Variants in SACS observed in about 807,000 individuals in gnomAD.
SACS encodes sacsin molecular chaperone.
Under a neutral mutation model 348.0 loss-of-function variants are expected in SACS, and 197 were observed. That is an observed-to-expected ratio of 0.57 (90% CI 0.50 to 0.64). The LOEUF (loss-of-function observed/expected upper bound fraction) is 0.64, where lower values mean the gene tolerates loss of function less well. Ranked by LOEUF, SACS falls within the 30% of genes least tolerant of loss-of-function variation. The probability of loss-of-function intolerance (pLI) is 0.00; values close to 1 mark genes in which losing one functional copy is unlikely to be tolerated. For synonymous variants in SACS, 1,985 were observed against 1,910.6 expected, an observed-to-expected ratio of 1.04 and a Z score of -1.02; for missense variants, 4,999 against 5,360.8, an observed-to-expected ratio of 0.93 and a Z score of 2.11.
intron 9 of SACS, among the ~76,000 whole-genome samples, chr13:23,344,756 A>T (rs996215746): frequency 1.3e-5 from 2 of 152,230 alleles, no homozygotes; most frequent in African/African-American, 4.8e-5. Context: ...AATTATTCCA[A>T]GAGGCAGAAA....
At position 23,335,727 on chromosome 13, in the gene SACS, G is replaced by C. The variant is rs1380763803; in HGVS notation, c.8149C>G (p.Pro2717Ala). ...MAKVSEISSV[P>A]ASDRMVQNLL... ...TTCTGGACCATTCTGTCTGATGCTG[G>C]AACAGACGAAATTTCCGAAACTTTT... Residue 2717 changes from proline to alanine, a missense_variant, in exon 10 of 10, where the codon CCA becomes GCA. Pro to Ala is a conservative substitution (Grantham distance 27). This residue lies in a region of SACS where 3,156 missense variants were observed against 3,380.1 expected (regional missense o/e 0.93). Coordinates refer to ENST00000382292, the MANE Select transcript of SACS (RefSeq NM_014363.6). The surrounding 1 kb of genome is among the most constrained non-coding windows in gnomAD (Gnocchi z 4.7). 6.2e-7 allele frequency: 1 copy of C among 1,614,016 alleles called. No individual in the cohort carries two copies. Among genetic ancestry groups the C allele is most frequent in the Admixed American group, 1.7e-5 (1 of 60,016 alleles).
chr13:23,338,642 C>T lies in SACS; in HGVS notation c.5234G>A (p.Ser1745Asn), dbSNP rs1315010036. The change falls in exon 10 of 10, where the codon AGT becomes AAT. Residue 1745 changes from serine to asparagine, a missense_variant. By Grantham distance (46) the Ser-to-Asn change is conservative. Transcript: ENST00000382292. Reference sequence around the variant, plus strand: ...TTCATCACTGGGAAGCTTTTTATTACTGCTGCTGCAAGTCTTCATGAGCTT... The same window carrying T: ...TTCATCACTGGGAAGCTTTTTATTATTGCTGCTGCAAGTCTTCATGAGCTT... ...AAKLMKTCSS[S>N]NKKLPSDEPK... 5.6e-6 allele frequency: 9 copies of T among 1,614,168 alleles called. No individual in the cohort carries two copies. The highest frequency in any genetic ancestry group is 7.6e-6 in the Non-Finnish European group (9 of 1,180,014).
At position 23,336,170 on chromosome 13, in the gene SACS, T is replaced by C; in HGVS notation, c.7706A>G (p.Gln2569Arg). The change falls in exon 10 of 10, where the codon CAG (glutamine) becomes CGG (arginine). Residue 2569 changes from glutamine (Q) to arginine (R), a missense_variant. Gln to Arg is a conservative substitution (Grantham distance 43). Transcript: ENST00000382292. Reference protein sequence around the residue: ...TEICFVFDPRQHPVDRIFDDK... With the variant: ...TEICFVFDPRRHPVDRIFDDK... ...ATCAAATATTCTATCAACTGGATGC[T>C]GTCTAGGATCAAACACAAAACAGAT... 6.2e-7 allele frequency: 1 copy of C among 1,613,932 alleles called. No individual in the cohort carries two copies. Among genetic ancestry groups the C allele is most frequent in the Non-Finnish European group, 8.5e-7 (1 of 1,179,848 alleles).
chr13:23,421,885 G>A (rs1167504515), intron 1 of SACS, among the ~76,000 whole-genome samples: 1 of 152,010 alleles, frequency 6.6e-6, no homozygotes, highest in Non-Finnish European at 1.5e-5. Flanking sequence ...ACATCCACTT[G>A]AGGCCTGAAG....
chr13:23,362,447 A>G (rs921683536), intron 6 of SACS, among the ~76,000 whole-genome samples: 7 of 152,240 alleles, frequency 4.6e-5, no homozygotes, highest in African/African-American at 1.2e-4. Context: ...AAGCCATGAT[A>G]CAAGATGACT....
In SACS at chr13:23,336,529, G is replaced by T. The variant is rs531087357; in HGVS notation, c.7347C>A (p.Gly2449=). The part of the protein sequence containing the change: ...KKQEFCEKNY[G]KILLPDTNLM... ...GATTAGTATCTGGCAATAATATCTT[G>T]CCATAATTTTTCTCACAAAATTCTT... Residue 2449 remains glycine (G), a synonymous_variant, in exon 10 of 10, where the codon GGC becomes GGA. Transcript: ENST00000382292. 16 of 1,613,842 alleles carry T rather than the reference G, an allele frequency of 9.9e-6. No homozygotes were observed. In the South Asian group the frequency reaches 1.5e-4, roughly 16 times the overall value.
At chr13:23,400,700 G>A (rs538478468) in intron 2 of SACS, among the ~76,000 whole-genome samples, 8 of 152,316 alleles carry the variant, frequency 5.3e-5, no homozygotes, top group Admixed American at 2.0e-4. Flanking sequence ...GATTACAGGC[G>A]TGAGCCACCG....
chr13:23,406,250 A>T (rs1873202200), intron 2 of SACS, among the ~76,000 whole-genome samples: 1 of 152,144 alleles, frequency 6.6e-6, no homozygotes, highest in Non-Finnish European at 1.5e-5. Flanking sequence ...GAAGCTGGAA[A>T]CCATCATTCT....
rs140971632 is a variant in SACS at position 23,331,481 on chromosome 13, A to G, written c.12395T>C (p.Ile4132Thr). ...AMLGCNDIYR[I>T]GEKLDSLGVK... ...TCCTAAACTGTCAAGTTTCTCACCA[A>G]TCCTGTAAATATCATTGCATCCTAG... Residue 4132 changes from isoleucine to threonine, a missense_variant, in exon 10 of 10, where the codon ATT (isoleucine) becomes ACT (threonine). This residue lies in a region of SACS where 831 missense variants were observed against 941.8 expected (regional missense o/e 0.88). Transcript: ENST00000382292. 3.1e-6 allele frequency: 5 copies of G among 1,614,070 alleles called. No homozygotes were observed. The South Asian group carries it at 3.3e-5, about 11-fold the overall frequency.
chr13:23,329,493 A>G lies in SACS; in HGVS notation c.*643T>C, dbSNP rs757539200. The G allele has an allele frequency of 4.0e-6, 3 of 748,968 alleles. No homozygotes were observed. Among genetic ancestry groups the G allele is most frequent in the East Asian group, 2.5e-5 (1 of 40,686 alleles). The allele number at this position is 748,968 out of a possible 1,614,324, so 46.4% of individuals were successfully genotyped here. A position where few individuals can be genotyped will look rare whatever the true frequency, so the allele number is the denominator to read the frequency against. On this transcript the variant is annotated 3_prime_UTR_variant, in exon 10 of 10. Coordinates refer to ENST00000382292, the MANE Select transcript of SACS (RefSeq NM_014363.6). The stretch of plus-strand genomic sequence containing the variant: ...TTCATCAAACAGGAAGCCTGTAAAC[A>G]TAAGATGTTAAAAAAAAATTTAAAT...
At chr13:23,346,239 G>A (rs986329421) in intron 9 of SACS, among the ~76,000 whole-genome samples, 8 of 152,144 alleles carry the variant, frequency 5.3e-5, no homozygotes, top group Non-Finnish European at 7.4e-5. Context: ...TCTGCCGCCC[G>A]GGTTCAAGCA....
Position 23,410,490 on chromosome 13 carries a change from CA to C in SACS, c.20+729del, listed in dbSNP as rs146617969. ...TGTTTTGCTTTGGAAAGCCAAATATCAAGACGTTTTATTTGTTGATATCTTT... is the reference window on the plus strand; with the variant it reads ...TGTTTTGCTTTGGAAAGCCAAATATCAGACGTTTTATTTGTTGATATCTTT... On this transcript the variant is annotated intron_variant, in intron 2 of 9. Coordinates refer to ENST00000382292, the MANE Select transcript of SACS (RefSeq NM_014363.6). 5.7e-3 allele frequency among the ~76,000 whole-genome samples: 874 copies of C among 152,242 alleles called. 49 individuals carry two copies. In the East Asian group the frequency reaches 0.13, roughly 23 times the overall value.
intron 6 of SACS, among the ~76,000 whole-genome samples, chr13:23,363,027 G>A (rs1231483718): frequency 6.6e-5 from 10 of 150,466 alleles, no homozygotes; most frequent in Non-Finnish European, 1.2e-4. Flanking sequence ...TCCTGCCTCA[G>A]CCTCCCAAGT....
rs1161779467 is a variant in SACS at position 23,336,850 on chromosome 13, T to C, written c.7026A>G (p.Lys2342=). 3 of 1,613,268 alleles carry C rather than the reference T, an allele frequency of 1.9e-6. No individual in the cohort carries two copies. The highest frequency in any genetic ancestry group is 2.5e-6 in the Non-Finnish European group (3 of 1,179,530). Residue 2342 remains lysine, a synonymous_variant, in exon 10 of 10, where the codon AAA becomes AAG. Transcript: ENST00000382292. ...TCTCAACTAGAATGAAGCTAAAGGG[T>C]TTTAACTTATCAATAATTGACATCT... is the stretch of plus-strand genomic sequence containing the variant. ...ITKMSIIDKL[K]PFSFILVENA...
At position 23,346,807 on chromosome 13, in the gene SACS, C is replaced by A. The variant is rs952439432; in HGVS notation, c.2186-5117G>T. 3 of 982,600 alleles carry A rather than the reference C, an allele frequency of 3.1e-6. No homozygotes were observed. The Middle Eastern group carries it at 1.6e-3, about 516-fold the overall frequency. The allele number at this position is 982,600 out of a possible 1,614,324, so 60.9% of individuals were successfully genotyped here. ...CAAATGAACACAACATTCAGTTATC[C>A]TACCTGAATATCCCCAGAGTTGTTG... On this transcript the variant is annotated intron_variant, in intron 9 of 9. Coordinates refer to ENST00000382292, the MANE Select transcript of SACS (RefSeq NM_014363.6).
chr13:23,416,303 T>C (rs1713701775), intron 1 of SACS, among the ~76,000 whole-genome samples: 1 of 137,332 alleles, frequency 7.3e-6, no homozygotes, highest in Admixed American at 7.2e-5. Flanking sequence ...CATGAAAAAA[T>C]GTCTTGGGGA....
Position 23,340,492 on chromosome 13 carries a change from G to A in SACS, c.3384C>T (p.Ala1128=). 2 of 1,611,876 alleles carry A rather than the reference G, an allele frequency of 1.2e-6. No homozygotes were observed. The highest frequency in any genetic ancestry group is 1.7e-6 in the Non-Finnish European group (2 of 1,179,234). Residue 1128 remains alanine, a synonymous_variant, in exon 10 of 10, where the codon GCC becomes GCT. Coordinates refer to ENST00000382292, the MANE Select transcript of SACS (RefSeq NM_014363.6). ...CPDQDVLLKK[A]KTLLLVLNKN... ...TATTTAAAACCAGTAAGAGGGTTTT[G>A]GCTTTCTTCAGAAGAACATCTTGAT... is the stretch of plus-strand genomic sequence containing the variant.
In SACS at chr13:23,330,593, T is replaced by C; in HGVS notation, c.13283A>G (p.Tyr4428Cys). The change falls in exon 10 of 10, where the codon TAC becomes TGC. Residue 4428 changes from tyrosine to cysteine, a missense_variant. Transcript: ENST00000382292. ...GGGAGGAACAAAGAACCTTTGAGAGTAAGTCTGTCCGGCTGAAGGGGGGCA... is the reference window on the plus strand; with the variant it reads ...GGGAGGAACAAAGAACCTTTGAGAGCAAGTCTGTCCGGCTGAAGGGGGGCA... ...EKCPPSAGQT[Y>C]SQRFFVPPTF... 1 of 1,613,900 alleles carries C rather than the reference T, an allele frequency of 6.2e-7. No homozygotes were observed. Among genetic ancestry groups the C allele is most frequent in the African/African-American group, 1.3e-5 (1 of 74,982 alleles).
At chr13:23,371,464 T>C (rs377569346) in intron 3 of SACS, among the ~76,000 whole-genome samples, 5 of 152,160 alleles carry the variant, frequency 3.3e-5, no homozygotes, top group African/African-American at 1.2e-4. Flanking sequence ...ATAAACAAAA[T>C]CATTCTTCTG....
Sources: allele counts gnomAD v4.1 joint callset (sites outside exome capture counted in the v4.1 genomes callset), GRCh38; gene constraint gnomAD v4.1.1; regional missense constraint gnomAD v4.1.1; non-coding constraint Gnocchi (gnomAD v3.1); transcripts MANE v1.5; gene names NCBI Gene and HGNC (gene_info 2026-07-23, HGNC 2026-07-21).